The following ATAD5 variants were observed in gnomAD, a reference collection of about 807,000 sequenced individuals.
The protein encoded by ATAD5 is ATPase family AAA domain containing 5.
Under a neutral mutation model 176.9 loss-of-function variants are expected in ATAD5, and 58 were observed. That is an observed-to-expected ratio of 0.33 (90% confidence interval 0.27 to 0.41). The LOEUF is 0.41. Ranked by LOEUF, ATAD5 falls within the 10% of genes least tolerant of loss-of-function variation. The probability of loss-of-function intolerance (pLI) is 1.00; values close to 1 mark genes in which losing one functional copy is unlikely to be tolerated. For missense variants in ATAD5, 1,789 were observed against 2,094.1 expected, an observed-to-expected ratio of 0.85 and a Z score of 2.84; for synonymous variants, 640 against 712.6, an observed-to-expected ratio of 0.90 and a Z score of 1.62.
chr17:30,856,480 G>C lies in ATAD5; in HGVS notation c.2636-475G>C, dbSNP rs1171575340. On this transcript the variant is annotated intron_variant, in intron 7 of 22. Transcript: ENST00000321990. ...TGTTTGTTTGTTTTGACAGAGTCTT[G>C]CTTTGTTGCCCAGGCTGGAGTGCAG... is the stretch of plus-strand genomic sequence containing the variant. Among the ~76,000 whole-genome samples, 3 of 152,134 alleles carry C rather than the reference G, an allele frequency of 2.0e-5. No individual in the cohort carries two copies. In the East Asian group the frequency reaches 5.8e-4, roughly 29 times the overall value.
At chr17:30,894,212 G>C in intron 21 of ATAD5, 62 bp downstream of exon 21, 1 of 1,318,360 alleles carries the variant, frequency 7.6e-7, no homozygotes, top group Non-Finnish European at 1.0e-6. Context: ...GAAATCAATA[G>C]AGTTTTTTCT....
intron 14 of ATAD5, among the ~76,000 whole-genome samples, chr17:30,870,247 C>A (rs1340441817): frequency 4.0e-4 from 61 of 152,114 alleles, no homozygotes; most frequent in Non-Finnish European, 2.1e-4. Context: ...TGATTCAGTT[C>A]TCTTAACTTT....
At chr17:30,839,034 C>G (rs1294279836) in intron 3 of ATAD5, among the ~76,000 whole-genome samples, 1 of 151,990 alleles carries the variant, frequency 6.6e-6, no homozygotes, top group Non-Finnish European at 1.5e-5. Flanking sequence ...CTATTTTGCC[C>G]AGGCTGGTCT....
At chr17:30,890,838 CCTT>C (rs1173143943) in intron 19 of ATAD5, among the ~76,000 whole-genome samples, 5 of 151,718 alleles carry the variant, frequency 3.3e-5, no homozygotes, top group African/African-American at 1.2e-4. Context: ...CACAGTTAGA[CCTT>C]TATGCATGTA....
chr17:30,841,345 AT>A (rs1313422731), intron 4 of ATAD5, among the ~76,000 whole-genome samples: 1 of 152,116 alleles, frequency 6.6e-6, no homozygotes, highest in Non-Finnish European at 1.5e-5. Context: ...TTCTCCCTAA[AT>A]GGTGCAGTTT....
In ATAD5 at chr17:30,887,274, C is replaced by T. The variant is rs1909375483; in HGVS notation, c.4160C>T (p.Thr1387Ile). ...GTAAAAGACTTTGTAACCTTGTTAA[C>T]TGCAAATACTTGTGATATCAGAAAA... ...TDVKDFVTLL[T>I]ANTCDIRKSI... is the part of the protein sequence containing the mutation. Residue 1387 changes from threonine (T) to isoleucine (I), a missense_variant, in exon 19 of 23, where the codon ACT becomes ATT. Thr to Ile is a moderately conservative substitution (Grantham distance 89, BLOSUM62 -1). Coordinates refer to ENST00000321990, the MANE Select transcript of ATAD5 (RefSeq NM_024857.5). The T allele has an allele frequency of 3.1e-6, 5 of 1,606,886 alleles. No homozygotes were observed. Among genetic ancestry groups the T allele is most frequent in the Non-Finnish European group, 4.2e-6 (5 of 1,176,956 alleles).
intron 19 of ATAD5, among the ~76,000 whole-genome samples, chr17:30,888,113 G>A (rs930834548): frequency 2.6e-5 from 4 of 151,748 alleles, no homozygotes; most frequent in African/African-American, 4.8e-5. Flanking sequence ...GATTAGAGGC[G>A]TGAGCCACCG....
chr17:30,892,232 C>T (rs1909674330), intron 19 of ATAD5, among the ~76,000 whole-genome samples: 1 of 151,596 alleles, frequency 6.6e-6, no homozygotes, highest in African/African-American at 2.4e-5. Context: ...CGAGATCAGC[C>T]TGGCCAACAT....
chr17:30,877,941 C>T, intron 16 of ATAD5, 62 bp from the exon 17 acceptor site: 1 of 1,148,460 alleles, frequency 8.7e-7, no homozygotes, highest in South Asian at 1.5e-5. Flanking sequence ...AGAATATTTA[C>T]TATGTATACA....
intron 11 of ATAD5, among the ~76,000 whole-genome samples, chr17:30,866,185 A>ATTTT (rs542432593): frequency 8.8e-5 from 7 of 79,230 alleles, no homozygotes; most frequent in Admixed American, 1.6e-4. Context: ...GAATTTACAA[A>ATTTT]TTTTTTTTTT....
chr17:30,860,431 A>G lies in ATAD5; in HGVS notation c.2957-2A>G. The G allele has an allele frequency of 5.1e-6, 8 of 1,582,912 alleles. No individual in the cohort carries two copies. The highest frequency in any genetic ancestry group is 6.8e-6 in the Non-Finnish European group (8 of 1,172,734). ...CATGCACTTCTTTAATTCCCAAAGCAGAACTGGAGGCTGATGTCAGCCATA... is the reference window on the plus strand; with the variant it reads ...CATGCACTTCTTTAATTCCCAAAGCGGAACTGGAGGCTGATGTCAGCCATA... On this transcript the variant is annotated splice_acceptor_variant, in intron 9 of 22. Transcript: ENST00000321990. LOFTEE classifies it high-confidence loss of function.
chr17:30,834,849 C>G lies in ATAD5; in HGVS notation c.768C>G (p.Ala256=). 1 of 1,613,090 alleles carries G rather than the reference C, an allele frequency of 6.2e-7. No individual in the cohort carries two copies. The highest frequency in any genetic ancestry group is 8.5e-7 in the Non-Finnish European group (1 of 1,179,444). Residue 256 remains alanine, a synonymous_variant, in exon 2 of 23, where the codon GCC becomes GCG. Transcript: ENST00000321990. ...CTAGAGATAACGTAACTGAAGCAGC[C>G]CAGTTAAATGATAGTATAATAACTG... ...ANSRDNVTEA[A]QLNDSIITVS...
Position 30,844,026 on chromosome 17 carries a change from T to C in ATAD5, c.2355T>C (p.Thr785=). ...DVLGKKLNTS[T]KNVPGKMKVA... is the part of the protein sequence containing the mutation. ...TAGGAAAAAAACTTAACACATCCAC[T>C]AAAAATGTACCTGGTAATCAGAGTT... Residue 785 remains threonine, a synonymous_variant, in exon 5 of 23, where the codon ACT becomes ACC. Transcript: ENST00000321990. 6.5e-7 allele frequency: 1 copy of C among 1,543,108 alleles called. No individual in the cohort carries two copies. Among genetic ancestry groups the C allele is most frequent in the Admixed American group, 2.2e-5 (1 of 44,752 alleles).
At chr17:30,866,713 G>T (rs980997175) in intron 11 of ATAD5, among the ~76,000 whole-genome samples, 4 of 151,978 alleles carry the variant, frequency 2.6e-5, no homozygotes, top group Non-Finnish European at 5.9e-5. Context: ...TACTGGAGAG[G>T]CTGAGGCATG....
intron 20 of ATAD5, 113 bp from the exon 21 acceptor site, chr17:30,893,181 T>C: frequency 9.2e-7 from 1 of 1,081,438 alleles, no homozygotes; most frequent in Non-Finnish European, 1.3e-6. Context: ...TTATGAGGGG[T>C]AGTGACTCAG....
At chr17:30,837,677 G>A (rs1157535570) in intron 3 of ATAD5, among the ~76,000 whole-genome samples, 1 of 152,164 alleles carries the variant, frequency 6.6e-6, no homozygotes, top group African/African-American at 2.4e-5. Flanking sequence ...TCACAGTTAT[G>A]GGGATTGAGA....
rs755487967 is a variant in ATAD5, at chr17:30,847,717, A to AT, written c.2450+2821dup. On this transcript the variant is annotated intron_variant, in intron 6 of 22. Coordinates refer to ENST00000321990, the MANE Select transcript of ATAD5 (RefSeq NM_024857.5). ...TATTATTAAATAGACTGCTATGAACATTTTTTTTTTTTTTTTTTTTGAGAC... is the reference window on the plus strand; with the variant it reads ...TATTATTAAATAGACTGCTATGAACATTTTTTTTTTTTTTTTTTTTTGAGAC... Among the ~76,000 whole-genome samples the AT allele has an allele frequency of 7.3e-3, 745 of 101,666 alleles. 15 individuals carry two copies. Among genetic ancestry groups the AT allele is most frequent in the South Asian group, 0.015 (36 of 2,418 alleles). The allele number at this position is 101,666 out of a possible 152,430, so 66.7% of individuals were successfully genotyped here. A position where few individuals can be genotyped will look rare whatever the true frequency, so the allele number is the denominator to read the frequency against.
chr17:30,835,707 A>T lies in ATAD5; in HGVS notation c.1626A>T (p.Glu542Asp). The change falls in exon 2 of 23, where the codon GAA (glutamate) becomes GAT (aspartate). Residue 542 changes from glutamate to aspartate, a missense_variant. Transcript: ENST00000321990. ...TTAACAATGAAAGTCTTGTTTATGA[A>T]GATATAGCAAATGATGACCTTCTAA... ...TLFNNESLVY[E>D]DIANDDLLKV... is the part of the protein sequence containing the mutation. 3 of 1,608,684 alleles carry T rather than the reference A, an allele frequency of 1.9e-6. No individual in the cohort carries two copies. Among genetic ancestry groups the T allele is most frequent in the Non-Finnish European group, 2.5e-6 (3 of 1,178,550 alleles).
chr17:30,888,792 G>A (rs1170387753), intron 19 of ATAD5, among the ~76,000 whole-genome samples: 1 of 152,004 alleles, frequency 6.6e-6, no homozygotes, highest in Non-Finnish European at 1.5e-5. Context: ...CACAGGCTGG[G>A]TGCAGTGGCT....
Sources: gnomAD v4.1 joint callset for allele counts (sites outside exome capture counted in the v4.1 genomes callset) on GRCh38, gnomAD v4.1.1 for gene constraint, MANE v1.5 for transcripts, NCBI Gene and HGNC (gene_info 2026-07-23, HGNC 2026-07-21) for gene names.